Variants in CCDC57 observed in about 807,000 individuals in gnomAD.
The protein encoded by CCDC57 is coiled-coil domain containing 57.
In CCDC57, 118 loss-of-function variants were observed where a neutral mutation model predicts 118.9. The ratio of observed to expected loss-of-function variants is 0.99; its 90% CI spans 0.86 to 1.16. CCDC57 has a LOEUF of 1.16. Among genes scored for constraint, CCDC57 ranks in the 50% most tolerant of loss-of-function variants. CCDC57 has a pLI of 0.00. For missense variants in CCDC57, 1,300 were observed against 1,320.7 expected, an observed-to-expected ratio of 0.98 and a Z score of 0.24; for synonymous variants, 527 against 532.9, an observed-to-expected ratio of 0.99 and a Z score of 0.15.
At chr17:82,142,316 T>C (rs1372409808) in intron 16 of CCDC57, among the ~76,000 whole-genome samples, 1 of 147,760 alleles carries the variant, frequency 6.8e-6, no homozygotes, top group Non-Finnish European at 1.5e-5. Flanking sequence ...GTTGTGTTTG[T>C]TTTTTTTTTT....
intron 19 of CCDC57, among the ~76,000 whole-genome samples, chr17:82,107,156 A>G (rs971538508): frequency 1.3e-5 from 2 of 152,216 alleles, no homozygotes; most frequent in Non-Finnish European, 2.9e-5. Context: ...TGAGGGCCAC[A>G]TGCCTGGCCA....
At chr17:82,187,233 T>C (rs1298471077) in intron 8 of CCDC57, among the ~76,000 whole-genome samples, 1 of 58,554 alleles carries the variant, frequency 1.7e-5, no homozygotes, top group Non-Finnish European at 2.9e-5. Flanking sequence ...CCAGACTCCA[T>C]CTCAAAAAAA....
chr17:82,209,410 C>A (rs1342010834), intron 1 of CCDC57, among the ~76,000 whole-genome samples: 2 of 152,154 alleles, frequency 1.3e-5, no homozygotes, highest in African/African-American at 2.4e-5. Context: ...AGTAAGGACT[C>A]AAAATGAAGT....
At chr17:82,187,920 A>C (rs1290556404) in intron 8 of CCDC57, among the ~76,000 whole-genome samples, 1 of 152,028 alleles carries the variant, frequency 6.6e-6, no homozygotes, top group South Asian at 2.1e-4. Flanking sequence ...GAATGTGCCT[A>C]ATGCCACTGC....
intron 19 of CCDC57, chr17:82,127,284 C>G (rs1043774564): frequency 2.9e-5 from 29 of 985,154 alleles, no homozygotes; most frequent in African/African-American, 3.5e-5. Flanking sequence ...TCGCTGGGGT[C>G]GACCTGGCTC....
chr17:82,134,253 T>G lies in CCDC57; in HGVS notation c.2456-59A>C, dbSNP rs80289863. On this transcript the variant is annotated intron_variant, in intron 16 of 19. Transcript: ENST00000665763. ...GTGCATCACTTCTGGATTCCTCTTG[T>G]GTTGAATGCAAACACTCAGAAAGAA... 1.4e-3 allele frequency: 1,805 copies of G among 1,264,030 alleles called. 17 individuals are homozygous for G. In the African/African-American group the frequency reaches 0.026, roughly 18 times the overall value. The allele number at this position is 1,264,030 out of a possible 1,614,324, so 78.3% of individuals were successfully genotyped here. A position where few individuals can be genotyped will look rare whatever the true frequency, so the allele number is the denominator to read the frequency against.
At chr17:82,165,429 C>T (rs1320533863) in intron 13 of CCDC57, among the ~76,000 whole-genome samples, 2 of 151,878 alleles carry the variant, frequency 1.3e-5, no homozygotes, top group East Asian at 1.9e-4. Context: ...AGGAGTCCCT[C>T]GTCTCCTTCC....
chr17:82,190,583 T>C (rs1224750944), intron 7 of CCDC57, among the ~76,000 whole-genome samples: 3 of 149,746 alleles, frequency 2.0e-5, no homozygotes, highest in Non-Finnish European at 2.9e-5. Context: ...TACTCCCAGC[T>C]ACTTGGGAGG....
exon 4 of CCDC57, chr17:82,198,314 C>T: frequency 6.2e-7 from 1 of 1,601,308 alleles, no homozygotes; most frequent in Non-Finnish European, 8.6e-7. Context: ...GAGGCTCTAC[C>T]TGTCTCTGCA....
intron 19 of CCDC57, chr17:82,126,939 C>T (rs1043782563): frequency 1.6e-5 from 16 of 985,388 alleles, no homozygotes; most frequent in East Asian, 2.3e-4. Flanking sequence ...GAAGGACGCA[C>T]GCTCCCGCCC....
chr17:82,197,120 A>G (rs2048405300), intron 4 of CCDC57, among the ~76,000 whole-genome samples: 1 of 136,024 alleles, frequency 7.4e-6, no homozygotes, highest in African/African-American at 2.9e-5. Flanking sequence ...GCCCCTCATG[A>G]CTCCTGCACC....
At chr17:82,121,690 G>A (rs1303103580) in intron 19 of CCDC57, among the ~76,000 whole-genome samples, 4 of 152,222 alleles carry the variant, frequency 2.6e-5, no homozygotes, top group African/African-American at 9.6e-5. Context: ...CTGGGACTGA[G>A]GGCTCCGATG....
At chr17:82,181,041 G>C (rs374010513) in intron 9 of CCDC57, among the ~76,000 whole-genome samples, 2 of 151,586 alleles carry the variant, frequency 1.3e-5, no homozygotes, top group East Asian at 3.8e-4. Flanking sequence ...GGCAAACCAC[G>C]CAGAGCACGG....
At chr17:82,162,255 C>T (rs908635155) in intron 14 of CCDC57, among the ~76,000 whole-genome samples, 1 of 152,216 alleles carries the variant, frequency 6.6e-6, no homozygotes, top group African/African-American at 2.4e-5. Flanking sequence ...ATCCGCCCAC[C>T]TCGGCCTCCC....
chr17:82,137,730 G>A (rs1400532986), intron 16 of CCDC57, among the ~76,000 whole-genome samples: 1 of 150,338 alleles, frequency 6.7e-6, no homozygotes, highest in South Asian at 2.1e-4. Context: ...CTGGAGTGCA[G>A]TGGCGCAATC....
chr17:82,179,523 G>A (rs1203636786), intron 9 of CCDC57, among the ~76,000 whole-genome samples: 1 of 152,166 alleles, frequency 6.6e-6, no homozygotes, highest in Non-Finnish European at 1.5e-5. Flanking sequence ...AAGGAACGGA[G>A]CTATGAAAGC....
chr17:82,142,373 C>T (rs1410293875), intron 16 of CCDC57, among the ~76,000 whole-genome samples: 4 of 151,514 alleles, frequency 2.6e-5, no homozygotes, highest in Non-Finnish European at 4.4e-5. Context: ...AGTGCAGTGG[C>T]GTGATCTCAG....
chr17:82,178,886 C>G, intron 10 of CCDC57, 141 bp downstream of exon 9: 1 of 1,017,738 alleles, frequency 9.8e-7, no homozygotes, highest in African/African-American at 1.6e-5. Context: ...TTTTATTACT[C>G]TAATTTATTA....
In CCDC57 at chr17:82,163,516, G is replaced by T. The variant is rs1288467280; in HGVS notation, c.1883-159C>A. ...GTTCTTCATTGGAGTCAGCAGATCT[G>T]GTCCACGTGAAGATTAGAGATGCTG... On this transcript the variant is annotated intron_variant, in intron 13 of 19. Coordinates refer to ENST00000665763, the Ensembl canonical transcript of CCDC57. The T allele has an allele frequency of 3.3e-5, 24 of 721,728 alleles. No individual in the cohort carries two copies. The East Asian group carries it at 6.3e-4, about 19-fold the overall frequency. 44.7% of individuals were successfully genotyped at this position (721,728 alleles called of 1,614,324 possible).
Sources: allele counts gnomAD v4.1 joint callset (sites outside exome capture counted in the v4.1 genomes callset), GRCh38; gene constraint gnomAD v4.1.1; transcripts MANE v1.5; gene names NCBI Gene and HGNC (gene_info 2026-07-23, HGNC 2026-07-21).